The following CHPT1 variants were observed in gnomAD, a reference collection of about 807,000 sequenced individuals.
The protein encoded by CHPT1 is choline phosphotransferase 1, also known as cholinephosphotransferase 1.
CHPT1 carries 36 observed loss-of-function variants against 47.6 expected under a neutral mutation model. The observed-to-expected ratio is 0.76, with a 90% CI of 0.58 to 1.00. CHPT1 has a LOEUF of 1.00. CHPT1 is among the 50% of genes least tolerant of loss of function. CHPT1 has a pLI of 0.00. For missense variants in CHPT1, 458 were observed against 498.1 expected (o/e 0.92, Z 0.77); for synonymous variants, 194 against 186.3 (o/e 1.04, Z -0.33).
Position 101,720,113 on chromosome 12 carries a change from A to G in CHPT1, c.649-10A>G. On this transcript the variant is annotated splice_polypyrimidine_tract_variant and intron_variant, in intron 4 of 8. Transcript: ENST00000229266. The stretch of plus-strand genomic sequence containing the variant: ...GTTGTCTTAATTGTTTCTTTCTTCT[A>G]CCCCTAAAGATTCCTATTCTAGAAA... The G allele has an allele frequency of 2.5e-6, 4 of 1,569,422 alleles. No homozygotes were observed. The highest frequency in any genetic ancestry group is 3.4e-6 in the Non-Finnish European group (4 of 1,160,436).
intron 4 of CHPT1, among the ~76,000 whole-genome samples, chr12:101,718,378 A>T (rs1408643153): frequency 6.6e-6 from 1 of 152,148 alleles, no homozygotes; most frequent in Non-Finnish European, 1.5e-5. Context: ...ATACTTTTCC[A>T]CTCAAATTTT....
intron 5 of CHPT1, among the ~76,000 whole-genome samples, chr12:101,721,101 G>A (rs146241818): frequency 0.017 from 2,519 of 152,180 alleles, 32 homozygotes; most frequent in Non-Finnish European, 0.023. Context: ...GGCCAACATG[G>A]TGAAACCCTG....
chr12:101,725,520 A>G (rs1036185640), intron 7 of CHPT1, among the ~76,000 whole-genome samples: 6 of 152,068 alleles, frequency 3.9e-5, no homozygotes, highest in African/African-American at 7.2e-5. Context: ...AAAAAAATCA[A>G]TCATCTGTCG....
rs2136991847 is a variant in CHPT1 at position 101,697,802 on chromosome 12, C to G, written c.-60C>G. 1 of 640,880 alleles carries G rather than the reference C, an allele frequency of 1.6e-6. No homozygotes were observed. The highest frequency in any genetic ancestry group is 1.2e-4 in the East Asian group (1 of 8,512). 39.7% of individuals were successfully genotyped at this position (640,880 alleles called of 1,614,324 possible). The stretch of plus-strand genomic sequence containing the variant: ...CGCCAGCCTCTCCCTCCACCTCTCC[C>G]TGCCCCCAGCGCCAGGCGCGGGCTG... On this transcript the variant is annotated 5_prime_UTR_variant, in exon 1 of 9. Coordinates refer to ENST00000229266, the MANE Select transcript of CHPT1 (RefSeq NM_020244.3).
At chr12:101,722,201 G>A (rs1951860854) in intron 5 of CHPT1, among the ~76,000 whole-genome samples, 1 of 151,898 alleles carries the variant, frequency 6.6e-6, no homozygotes, top group Non-Finnish European at 1.5e-5. Flanking sequence ...TTTCTTGAAT[G>A]AGATTTAAGA....
At chr12:101,715,353 A>T (rs1469605516) in intron 3 of CHPT1, among the ~76,000 whole-genome samples, 2 of 152,286 alleles carry the variant, frequency 1.3e-5, no homozygotes, top group East Asian at 3.9e-4. Context: ...TATTGCTGAA[A>T]AGGAGAAACA....
At chr12:101,719,156 GAA>G (rs779382436) in intron 4 of CHPT1, among the ~76,000 whole-genome samples, 1 of 95,074 alleles carries the variant, frequency 1.1e-5, no homozygotes. Context: ...CTCGTCTCAA[GAA>G]AAAAAAAAAA....
chr12:101,722,600 C>G (rs980263545), intron 5 of CHPT1, among the ~76,000 whole-genome samples: 6 of 151,536 alleles, frequency 4.0e-5, no homozygotes, highest in Non-Finnish European at 8.8e-5. Flanking sequence ...CGCCTGTAAT[C>G]CCAGCACTTT....
At chr12:101,704,587 GA>G (rs1951604892) in intron 1 of CHPT1, among the ~76,000 whole-genome samples, 1 of 148,696 alleles carries the variant, frequency 6.7e-6, no homozygotes, top group South Asian at 2.1e-4. Context: ...TTTTAGTAGA[GA>G]TGGGGTTTCA....
At chr12:101,699,489 G>T (rs1450844616) in intron 1 of CHPT1, among the ~76,000 whole-genome samples, 2 of 151,414 alleles carry the variant, frequency 1.3e-5, no homozygotes, top group Non-Finnish European at 2.9e-5. Flanking sequence ...CTGGGTTCAA[G>T]CGATTCCCTT....
chr12:101,702,960 C>T (rs1951575098), intron 1 of CHPT1, among the ~76,000 whole-genome samples: 1 of 152,150 alleles, frequency 6.6e-6, no homozygotes, highest in African/African-American at 2.4e-5. Flanking sequence ...AGTCCCCGGC[C>T]ATCTAGAAGG....
rs760531745 is a variant in CHPT1, at chr12:101,723,255, T to G, written c.868T>G (p.Phe290Val). The stretch of plus-strand genomic sequence containing the variant: ...CTATAAAAAGTCAGCAACTGATGTG[T>G]TTGAAAAGCATCCTTGTCTTTATAT... ...MIYKKSATDVFEKHPCLYILM... is the reference protein window; with the variant it reads ...MIYKKSATDVVEKHPCLYILM... Residue 290 changes from phenylalanine to valine, a missense_variant, in exon 6 of 9, where the codon TTT becomes GTT. By Grantham distance (50) the Phe-to-Val change is conservative (BLOSUM62 -1). Coordinates refer to ENST00000229266, the MANE Select transcript of CHPT1 (RefSeq NM_020244.3). 2.5e-6 allele frequency: 4 copies of G among 1,612,556 alleles called. No homozygotes were observed. The highest frequency in any genetic ancestry group is 1.7e-5 in the Admixed American group (1 of 59,992).
At chr12:101,702,711 A>G (rs1951571889) in intron 1 of CHPT1, among the ~76,000 whole-genome samples, 1 of 151,894 alleles carries the variant, frequency 6.6e-6, no homozygotes, top group Non-Finnish European at 1.5e-5. Context: ...TTTTACTCCC[A>G]CTTTTTTTAA....
At position 101,703,696 on chromosome 12, in the gene CHPT1, AC is replaced by A. The variant is rs142306204; in HGVS notation, c.273+5563del. On this transcript the variant is annotated intron_variant, in intron 1 of 8. Transcript: ENST00000229266. The stretch of plus-strand genomic sequence containing the variant: ...TCAGGTGGGAACCCTCCCTCCGTAA[AC>A]AAAGAAGCACCCTCCCCATCACAGG... Among the ~76,000 whole-genome samples, 1,248 of 152,266 alleles carry A rather than the reference AC, an allele frequency of 8.2e-3. 14 individuals are homozygous for A. The highest frequency in any genetic ancestry group is 0.011 in the Non-Finnish European group (781 of 68,016).
chr12:101,723,024 C>T, intron 5 of CHPT1, 144 bp from the exon 6 acceptor site: 1 of 658,902 alleles, frequency 1.5e-6, no homozygotes, highest in Non-Finnish European at 2.6e-6. Context: ...GAAAGCACAA[C>T]TCAGGTTTGT....
chr12:101,701,918 T>G (rs982309726), intron 1 of CHPT1, among the ~76,000 whole-genome samples: 2 of 152,218 alleles, frequency 1.3e-5, no homozygotes, highest in Non-Finnish European at 2.9e-5. Flanking sequence ...AGCAATTGTT[T>G]GGCCTTGGTA....
chr12:101,725,338 A>G (rs534557091), intron 7 of CHPT1, among the ~76,000 whole-genome samples: 1 of 152,256 alleles, frequency 6.6e-6, no homozygotes, highest in Admixed American at 6.5e-5. Context: ...AAATCAGAAT[A>G]ATGTCCTTTA....
In CHPT1 at chr12:101,720,252, G is replaced by C; in HGVS notation, c.778G>C (p.Ala260Pro). The change falls in exon 5 of 9, where the codon GCA (alanine) becomes CCA (proline). Residue 260 changes from alanine to proline, a missense_variant and splice_region_variant. Physicochemically the swap from Ala to Pro is conservative, Grantham distance 27. Transcript: ENST00000229266. ...GGVGKNGSTI[A>P]GTSVLSPGLH... ...TGTTGGCAAGAATGGATCCACTATA[G>C]CAGTAAGGCAATAATTTCATCATTC... 1 of 1,593,576 alleles carries C rather than the reference G, an allele frequency of 6.3e-7. No homozygotes were observed. The highest frequency in any genetic ancestry group is 8.5e-7 in the Non-Finnish European group (1 of 1,172,324).
At position 101,714,641 on chromosome 12, in the gene CHPT1, G is replaced by A; in HGVS notation, c.559G>A (p.Gly187Arg). Residue 187 changes from glycine (G) to arginine (R), a missense_variant, in exon 3 of 9, where the codon GGA (glycine) becomes AGA (arginine). By Grantham distance (125) the Gly-to-Arg change is moderately radical (BLOSUM62 -2). Coordinates refer to ENST00000229266, the MANE Select transcript of CHPT1 (RefSeq NM_020244.3). ...QTYVSGMLRF[G>R]KVDVTEIQIA... ...TTATGTTTCAGGCATGTTGAGATTT[G>A]GAAAGTAAGTATGCTTTTTAAGTTG... 6.3e-7 allele frequency: 1 copy of A among 1,598,012 alleles called. No homozygotes were observed. Among genetic ancestry groups the A allele is most frequent in the Non-Finnish European group, 8.5e-7 (1 of 1,174,846 alleles).
Sources: gnomAD v4.1 joint callset for allele counts (sites outside exome capture counted in the v4.1 genomes callset) on GRCh38, gnomAD v4.1.1 for gene constraint, MANE v1.5 for transcripts, NCBI Gene and HGNC (gene_info 2026-07-23, HGNC 2026-07-21) for gene names.